The following FMO3 variants were observed in gnomAD, a reference collection of about 807,000 sequenced individuals.
The protein encoded by FMO3 is flavin-containing monooxygenase 3.
Under a neutral mutation model 39.4 loss-of-function variants are expected in FMO3, and 40 were observed. The observed-to-expected ratio is 1.02, with a 90% CI of 0.79 to 1.32. The LOEUF (loss-of-function observed/expected upper bound fraction) is 1.32, where lower values mean the gene tolerates loss of function less well. Among genes scored for constraint, FMO3 ranks in the 40% most tolerant of loss-of-function variants. The probability of loss-of-function intolerance (pLI) is 0.00; values close to 1 mark genes in which losing one functional copy is unlikely to be tolerated. For synonymous variants in FMO3, 219 were observed against 228.8 expected (o/e 0.96, Z 0.39); for missense variants, 680 against 651.8 (o/e 1.04, Z -0.47).
intron 7 of FMO3, among the ~76,000 whole-genome samples, chr1:171,114,814 G>A (rs1656070738): frequency 1.3e-5 from 2 of 152,158 alleles, no homozygotes; most frequent in South Asian, 4.1e-4. Context: ...GAAGGCAATG[G>A]CTTTTCTACT....
chr1:171,102,574 A>G lies in FMO3; in HGVS notation c.133-1211A>G, dbSNP rs559270452. ...TGAGCTTCCATTTGTTGAACTCTAC[A>G]TTGTGACTGACAAACTTGGCTGCAC... On this transcript the variant is annotated intron_variant, in intron 2 of 8. Transcript: ENST00000367755. Among the ~76,000 whole-genome samples, 203 of 152,306 alleles carry G rather than the reference A, an allele frequency of 1.3e-3. 1 individual carries two copies. Among genetic ancestry groups the G allele is most frequent in the Admixed American group, 3.1e-3 (48 of 15,294 alleles).
intron 5 of FMO3, among the ~76,000 whole-genome samples, chr1:171,110,297 T>A (rs190385808): frequency 2.0e-5 from 3 of 152,296 alleles, no homozygotes; most frequent in African/African-American, 7.2e-5. Flanking sequence ...ACAGCAATAG[T>A]TAGATAAGTG....
chr1:171,095,771 A>G (rs993356373), intron 2 of FMO3, among the ~76,000 whole-genome samples: 4 of 131,014 alleles, frequency 3.1e-5, no homozygotes, highest in African/African-American at 1.1e-4. Flanking sequence ...TATTTAATAT[A>G]TATTTATATA....
At position 171,098,240 on chromosome 1, in the gene FMO3, A is replaced by G. The variant is rs568769206; in HGVS notation, c.132+5450A>G. Among the ~76,000 whole-genome samples, 49 of 152,060 alleles carry G rather than the reference A, an allele frequency of 3.2e-4. 3 individuals carry two copies. The South Asian group carries it at 6.0e-3, about 19-fold the overall frequency. On this transcript the variant is annotated intron_variant, in intron 2 of 8. Coordinates refer to ENST00000367755, the MANE Select transcript of FMO3 (RefSeq NM_001002294.3). ...CAGGTAGTGTGATGCCTCCAGCTTT[A>G]TTCTTTTGGCTTAGGATTGACTTGG...
chr1:171,101,666 G>T, intron 2 of FMO3: 1 of 478,618 alleles, frequency 2.1e-6, no homozygotes. Flanking sequence ...TTCTAGTTCT[G>T]ACTTCTAACC....
intron 3 of FMO3, among the ~76,000 whole-genome samples, chr1:171,105,749 CGTTT>C (rs1393729706): frequency 1.3e-5 from 2 of 151,800 alleles, no homozygotes; most frequent in East Asian, 3.9e-4. Flanking sequence ...CAGAAAACCA[CGTTT>C]ATTTAACAAA....
At chr1:171,095,756 A>C (rs1055415546) in intron 2 of FMO3, among the ~76,000 whole-genome samples, 1 of 123,294 alleles carries the variant, frequency 8.1e-6, no homozygotes, top group Non-Finnish European at 1.7e-5. Flanking sequence ...AATAATATAA[A>C]TATATATTTA....
At chr1:171,110,757 A>C in intron 5 of FMO3, 41 bp from the exon 6 acceptor site, 1 of 1,583,102 alleles carries the variant, frequency 6.3e-7, no homozygotes, top group Non-Finnish European at 8.7e-7. Flanking sequence ...TATCCACTAC[A>C]AATGGTCACT....
chr1:171,102,071 T>C (rs1420200360), intron 2 of FMO3, among the ~76,000 whole-genome samples: 2 of 152,148 alleles, frequency 1.3e-5, no homozygotes, highest in African/African-American at 2.4e-5. Context: ...CAACAAACCA[T>C]GTGAGCAGCA....
chr1:171,113,789 A>C (rs182984465), intron 6 of FMO3, among the ~76,000 whole-genome samples: 413 of 152,296 alleles, frequency 2.7e-3, no homozygotes, highest in African/African-American at 9.1e-3. Flanking sequence ...GAAGAGAAGG[A>C]TCACAGAAAA....
At chr1:171,092,886 C>A in intron 2 of FMO3, 96 bp downstream of exon 2, 3 of 1,277,786 alleles carry the variant, frequency 2.3e-6, no homozygotes, top group Non-Finnish European at 3.4e-6. Flanking sequence ...GCTACCATGG[C>A]AGTTATCATA....
Position 171,117,351 on chromosome 1 carries a change from G to A in FMO3, c.1508G>A (p.Gly503Glu). 2 of 1,613,274 alleles carry A rather than the reference G, an allele frequency of 1.2e-6. No individual in the cohort carries two copies. The highest frequency in any genetic ancestry group is 1.7e-6 in the Non-Finnish European group (2 of 1,179,588). The change falls in exon 9 of 9, where the codon GGG (glycine) becomes GAG (glutamate). Residue 503 changes from glycine to glutamate, a missense_variant. Transcript: ENST00000367755. Reference sequence around the variant, plus strand: ...AAACCCATGCAGACACGAGTGGTCGGGAGACTTCAGAAGCCTTGCTTCTTT... The same window carrying A: ...AAACCCATGCAGACACGAGTGGTCGAGAGACTTCAGAAGCCTTGCTTCTTT... ...SLKPMQTRVV[G>E]RLQKPCFFFH...
chr1:171,107,707 T>G lies in FMO3; in HGVS notation c.354T>G (p.Asp118Glu). Residue 118 changes from aspartate to glutamate, a missense_variant, in exon 4 of 9, where the codon GAT (aspartate) becomes GAG (glutamate). Asp to Glu is a conservative substitution (Grantham distance 45). Coordinates refer to ENST00000367755, the MANE Select transcript of FMO3 (RefSeq NM_001002294.3). ...TATCCAGTGTAAATAAACATCCTGA[T>G]TTTGCAACTACTGGCCAGTGGGATG... Reference protein sequence around the residue: ...TFVSSVNKHPDFATTGQWDVT... With the variant: ...TFVSSVNKHPEFATTGQWDVT... The G allele has an allele frequency of 6.2e-7, 1 of 1,613,384 alleles. No homozygotes were observed. Among genetic ancestry groups the G allele is most frequent in the Non-Finnish European group, 8.5e-7 (1 of 1,179,384 alleles).
At chr1:171,111,142 G>T in intron 6 of FMO3, 145 bp downstream of exon 6, 2 of 727,780 alleles carry the variant, frequency 2.7e-6, no homozygotes, top group Non-Finnish European at 4.9e-6. Context: ...AATTAAGAGT[G>T]ATTTCCTATT....
rs1010690281 is a variant in FMO3, at chr1:171,090,983, T to C, written c.-7+2T>C. On this transcript the variant is annotated splice_donor_variant, in intron 1 of 8. Coordinates refer to ENST00000367755, the MANE Select transcript of FMO3 (RefSeq NM_001002294.3). LOFTEE classifies it low-confidence loss of function (5UTR_SPLICE). ...AGAACGGGTAGGAAAATTAAAAAGG[T>C]AGGAGGCTGAGGCGGGTGGATCACC... 4 of 151,986 alleles carry C rather than the reference T, an allele frequency of 2.6e-5. No homozygotes were observed. Among genetic ancestry groups the C allele is most frequent in the Admixed American group, 6.6e-5 (1 of 15,248 alleles). The allele number at this position is 151,986 out of a possible 1,614,324, so 9.4% of individuals were successfully genotyped here. A position where few individuals can be genotyped will look rare whatever the true frequency, so the allele number is the denominator to read the frequency against.
Position 171,092,741 on chromosome 1 carries a change from C to T in FMO3, c.83C>T (p.Pro28Leu). ...AGCTGTCTGGAAGAGGGGCTGGAGC[C>T]CACCTGCTTTGAGAAGAGCAATGAC... The part of the protein sequence containing the change: ...IRSCLEEGLE[P>L]TCFEKSNDIG... Residue 28 changes from proline (P) to leucine (L), a missense_variant, in exon 2 of 9, where the codon CCC (proline) becomes CTC (leucine). Pro to Leu is a moderately conservative substitution (Grantham distance 98). Coordinates refer to ENST00000367755, the MANE Select transcript of FMO3 (RefSeq NM_001002294.3). 1 of 1,614,014 alleles carries T rather than the reference C, an allele frequency of 6.2e-7. No individual in the cohort carries two copies. Among genetic ancestry groups the T allele is most frequent in the African/African-American group, 1.3e-5 (1 of 75,018 alleles).
chr1:171,112,858 T>C (rs994846300), intron 6 of FMO3, among the ~76,000 whole-genome samples: 1 of 152,024 alleles, frequency 6.6e-6, no homozygotes, highest in East Asian at 1.9e-4. Flanking sequence ...AGGTATGCCA[T>C]TGTCAGAAGT....
chr1:171,092,694 G>C lies in FMO3; in HGVS notation c.36G>C (p.Val12=). ...AAGTGGCCATCATTGGAGCTGGTGT[G>C]AGTGGCTTGGCCTCCATCAGGAGCT... The part of the protein sequence containing the change: ...GKKVAIIGAG[V]SGLASIRSCL... Residue 12 remains valine (V), a synonymous_variant, in exon 2 of 9, where the codon GTG becomes GTC. Transcript: ENST00000367755. 1 of 1,614,180 alleles carries C rather than the reference G, an allele frequency of 6.2e-7. No individual in the cohort carries two copies.
chr1:171,112,257 G>T (rs925025656), intron 6 of FMO3, among the ~76,000 whole-genome samples: 3 of 152,200 alleles, frequency 2.0e-5, no homozygotes, highest in African/African-American at 2.4e-5. Context: ...TACTCTGAAA[G>T]CAATGGGAAA....
Sources: allele counts gnomAD v4.1 joint callset (sites outside exome capture counted in the v4.1 genomes callset), GRCh38; gene constraint gnomAD v4.1.1; transcripts MANE v1.5; gene names NCBI Gene and HGNC (gene_info 2026-07-23, HGNC 2026-07-21).